The following RGS22 variants were observed in gnomAD, a reference collection of about 807,000 sequenced individuals.
RGS22 encodes the protein regulator of G protein signaling 22.
In RGS22, 148 loss-of-function variants were observed where a neutral mutation model predicts 172.9. The observed-to-expected ratio is 0.86, with a 90% CI of 0.75 to 0.98. RGS22 has a LOEUF of 0.98. RGS22 is among the 50% of genes least tolerant of loss of function. The probability of loss-of-function intolerance (pLI) is 0.00; values close to 1 mark genes in which losing one functional copy is unlikely to be tolerated. For missense variants in RGS22, 1,347 were observed against 1,440.8 expected, an observed-to-expected ratio of 0.93 and a Z score of 1.05; for synonymous variants, 458 against 480.2, an observed-to-expected ratio of 0.95 and a Z score of 0.60.
intron 2 of RGS22, among the ~76,000 whole-genome samples, chr8:100,104,976 GT>G (rs1038054292): frequency 1.3e-5 from 2 of 152,196 alleles, no homozygotes; most frequent in African/African-American, 4.8e-5. Flanking sequence ...TAGTACATTT[GT>G]AAAGGAATGA....
At chr8:99,973,578 C>G (rs1811602183) in intron 23 of RGS22, among the ~76,000 whole-genome samples, 1 of 151,934 alleles carries the variant, frequency 6.6e-6, no homozygotes, top group African/African-American at 2.4e-5. Flanking sequence ...GGCTTAAAAC[C>G]TAGATGACGT....
chr8:100,016,891 T>C (rs531100231), intron 14 of RGS22, among the ~76,000 whole-genome samples: 5 of 149,762 alleles, frequency 3.3e-5, no homozygotes, highest in African/African-American at 1.2e-4. Context: ...GTTGTGCACA[T>C]GTAACCTAAA....
At chr8:100,019,888 C>CG (rs922039833) in intron 14 of RGS22, among the ~76,000 whole-genome samples, 3 of 142,366 alleles carry the variant, frequency 2.1e-5, no homozygotes, top group African/African-American at 7.7e-5. Flanking sequence ...AAAAAAAGTA[C>CG]TTTTTTTTTT....
At chr8:100,044,413 A>G (rs1440568835) in intron 11 of RGS22, among the ~76,000 whole-genome samples, 1 of 152,110 alleles carries the variant, frequency 6.6e-6, no homozygotes, top group African/African-American at 2.4e-5. Flanking sequence ...TGCCTGGCTA[A>G]TTTTTGTATA....
At position 100,070,044 on chromosome 8, in the gene RGS22, A is replaced by AAAAAC. The variant is rs1253092574; in HGVS notation, c.594+1320_594+1324dup. Among the ~76,000 whole-genome samples, 89 of 130,732 alleles carry AAAAAC rather than the reference A, an allele frequency of 6.8e-4. 1 individual carries two copies. Among genetic ancestry groups the AAAAAC allele is most frequent in the Non-Finnish European group, 1.1e-3 (69 of 62,950 alleles). The allele number at this position is 130,732 out of a possible 152,430, so 85.8% of individuals were successfully genotyped here. A position where few individuals can be genotyped will look rare whatever the true frequency, so the allele number is the denominator to read the frequency against. ...CTCTGTCTCAAAAAAAAAAAAAAAA[A>AAAAAC]AAAACAAAACAAAACTAGGAGAGTC... On this transcript the variant is annotated intron_variant, in intron 6 of 27. Coordinates refer to ENST00000360863, the MANE Select transcript of RGS22 (RefSeq NM_015668.5).
At chr8:100,073,305 G>A (rs985758224) in intron 4 of RGS22, among the ~76,000 whole-genome samples, 13 of 152,002 alleles carry the variant, frequency 8.6e-5, no homozygotes, top group Admixed American at 2.6e-4. Flanking sequence ...GAGTGTTGCC[G>A]ACATCCAATG....
At chr8:99,999,183 C>T in intron 19 of RGS22, 79 bp downstream of exon 19, 1 of 1,207,872 alleles carries the variant, frequency 8.3e-7, no homozygotes, top group South Asian at 1.6e-5. Context: ...AGGACAATGG[C>T]TGGGTCACCA....
chr8:100,063,374 A>G (rs749901328), intron 8 of RGS22, 42 bp downstream of exon 8: 1 of 1,391,590 alleles, frequency 7.2e-7, no homozygotes, highest in African/African-American at 1.5e-5. Context: ...AATATTCATA[A>G]TTTGTTTTTA....
chr8:100,031,627 T>C (rs1234715615), intron 14 of RGS22, among the ~76,000 whole-genome samples: 2 of 152,130 alleles, frequency 1.3e-5, no homozygotes, highest in African/African-American at 4.8e-5. Flanking sequence ...ATACGTTTAC[T>C]TATTTTTATT....
At chr8:99,987,224 G>T (rs1165701837) in intron 21 of RGS22, among the ~76,000 whole-genome samples, 1 of 152,078 alleles carries the variant, frequency 6.6e-6, no homozygotes, top group Admixed American at 6.6e-5. Context: ...TTCAGACTTG[G>T]AATGCCCAAC....
intron 10 of RGS22, chr8:100,050,916 T>C (rs1727458757): frequency 6.6e-6 from 1 of 152,178 alleles, no homozygotes; most frequent in Non-Finnish European, 1.5e-5. Flanking sequence ...GAAAAGTTCT[T>C]TACATTCTAG....
intron 7 of RGS22, among the ~76,000 whole-genome samples, chr8:100,064,632 A>T (rs1274729284): frequency 6.6e-6 from 1 of 152,182 alleles, no homozygotes; most frequent in Non-Finnish European, 1.5e-5. Context: ...CACACAGAAG[A>T]TATACAAAAA....
intron 21 of RGS22, among the ~76,000 whole-genome samples, chr8:99,983,671 A>G (rs1344549286): frequency 2.6e-5 from 4 of 152,260 alleles, no homozygotes; most frequent in Non-Finnish European, 4.4e-5. Flanking sequence ...TAGGACTATC[A>G]TTTTTTAAAA....
intron 12 of RGS22, among the ~76,000 whole-genome samples, chr8:100,041,259 C>T (rs146325009): frequency 0.015 from 2,303 of 152,230 alleles, 28 homozygotes; most frequent in Non-Finnish European, 0.024. Flanking sequence ...AAGGGCGAGA[C>T]AGGCGGATTG....
At chr8:99,995,581 G>A in intron 20 of RGS22, among the ~76,000 whole-genome samples, 1 of 152,188 alleles carries the variant, frequency 6.6e-6, no homozygotes, top group East Asian at 1.9e-4. Context: ...ACGCCAGCTG[G>A]AATGGCAATT....
At chr8:100,047,684 G>A (rs1820873388) in intron 10 of RGS22, 88 bp from the exon 11 acceptor site, 1 of 1,234,390 alleles carries the variant, frequency 8.1e-7, no homozygotes, top group Non-Finnish European at 1.1e-6. Context: ...CTCATCACTC[G>A]AGTACTTTTT....
chr8:100,038,940 C>T lies in RGS22; in HGVS notation c.2157G>A (p.Lys719=). ...QETLQPFKVC[K]QAQYLFATYV... ...ATTATTTACTACGTACTTGCGCTTGCTTGCATACTTTAAAAGGCTGAAGTG... is the reference window on the plus strand; with the variant it reads ...ATTATTTACTACGTACTTGCGCTTGTTTGCATACTTTAAAAGGCTGAAGTG... Residue 719 remains lysine (K), a synonymous_variant, in exon 14 of 28, where the codon AAG becomes AAA. Transcript: ENST00000360863. 6.2e-7 allele frequency: 1 copy of T among 1,608,360 alleles called. No homozygotes were observed. Among genetic ancestry groups the T allele is most frequent in the Admixed American group, 1.7e-5 (1 of 59,632 alleles).
intron 23 of RGS22, among the ~76,000 whole-genome samples, chr8:99,966,425 C>A (rs536090379): frequency 2.0e-5 from 3 of 150,832 alleles, no homozygotes; most frequent in Non-Finnish European, 4.4e-5. Context: ...TAAATCTATA[C>A]AAATAAAAAA....
chr8:100,083,518 C>T (rs1811917555), intron 3 of RGS22, among the ~76,000 whole-genome samples: 1 of 151,908 alleles, frequency 6.6e-6, no homozygotes, highest in African/African-American at 2.4e-5. Context: ...CAGGCACACA[C>T]CACCATGCCA....
Sources: allele counts gnomAD v4.1 joint callset (sites outside exome capture counted in the v4.1 genomes callset), GRCh38; gene constraint gnomAD v4.1.1; transcripts MANE v1.5; gene names NCBI Gene and HGNC (gene_info 2026-07-23, HGNC 2026-07-21).